The following ATAD2B variants were observed in gnomAD, a reference collection of about 807,000 sequenced individuals.
ATAD2B encodes the protein ATPase family AAA domain-containing protein 2B.
A neutral mutation model predicts 167.6 loss-of-function variants in ATAD2B; 40 were observed. The ratio of observed to expected loss-of-function variants is 0.24; its 90% CI spans 0.19 to 0.31. The LOEUF (loss-of-function observed/expected upper bound fraction) is 0.31, where lower values mean the gene tolerates loss of function less well. ATAD2B is among the 10% of genes least tolerant of loss of function. The pLI is 1.00. For synonymous variants in ATAD2B, 579 were observed against 596.5 expected, an observed-to-expected ratio of 0.97 and a Z score of 0.43; for missense variants, 1,242 against 1,757.2, an observed-to-expected ratio of 0.71 and a Z score of 5.24.
At chr2:23,919,289 G>A (rs1320072382) in intron 1 of ATAD2B, among the ~76,000 whole-genome samples, 1 of 152,152 alleles carries the variant, frequency 6.6e-6, no homozygotes, top group Non-Finnish European at 1.5e-5. Flanking sequence ...CGCAGTGGCT[G>A]TAATCCCAGC....
chr2:23,860,443 T>C (rs1694169793), intron 12 of ATAD2B, among the ~76,000 whole-genome samples: 1 of 152,216 alleles, frequency 6.6e-6, no homozygotes, highest in Non-Finnish European at 1.5e-5. Flanking sequence ...CAGTGTCATT[T>C]TTCTCACTTA....
At chr2:23,861,069 C>G (rs1057468250) in intron 12 of ATAD2B, among the ~76,000 whole-genome samples, 1 of 151,866 alleles carries the variant, frequency 6.6e-6, no homozygotes, top group African/African-American at 2.4e-5. Context: ...GTGGCTCACA[C>G]CTGTAATCCC....
rs371716857 is a variant in ATAD2B, at chr2:23,781,732, GTTTC to G, written c.3133+1133_3133+1136del. ...ATCCTGACTAATATGAATGACTGCT[GTTTC>G]TTTTTTTTTTTTCTTGTCTTTCCTT... is the stretch of plus-strand genomic sequence containing the variant. On this transcript the variant is annotated intron_variant, in intron 22 of 27. Coordinates refer to ENST00000238789, the MANE Select transcript of ATAD2B (RefSeq NM_017552.4). Among the ~76,000 whole-genome samples the G allele has an allele frequency of 1.4e-3, 199 of 147,052 alleles. 2 individuals carry two copies. The highest frequency in any genetic ancestry group is 2.2e-3 in the Non-Finnish European group (146 of 66,458).
In ATAD2B at chr2:23,827,908, T is replaced by A. The variant is rs1688486160; in HGVS notation, c.1819+941A>T. ...GGATGTAGCTAACTGAATGGACTAATGTTCTATTTAAGTTTTAATTATTTG... is the reference window on the plus strand; with the variant it reads ...GGATGTAGCTAACTGAATGGACTAAAGTTCTATTTAAGTTTTAATTATTTG... On this transcript the variant is annotated intron_variant, in intron 15 of 27. Transcript: ENST00000238789. The A allele has an allele frequency of 2.0e-5, 3 of 152,636 alleles. No homozygotes were observed. The South Asian group carries it at 6.2e-4, about 32-fold the overall frequency. The allele number at this position is 152,636 out of a possible 1,614,324, so 9.5% of individuals were successfully genotyped here. A position where few individuals can be genotyped will look rare whatever the true frequency, so the allele number is the denominator to read the frequency against.
intron 6 of ATAD2B, among the ~76,000 whole-genome samples, chr2:23,882,535 G>A (rs1013015484): frequency 4.1e-5 from 6 of 147,424 alleles, no homozygotes; most frequent in East Asian, 2.0e-4. Context: ...AAGGCCAGGC[G>A]CAGTGGCTCA....
intron 24 of ATAD2B, among the ~76,000 whole-genome samples, chr2:23,760,733 T>TACACACACACACATAC (rs1676609106): frequency 2.4e-5 from 3 of 124,912 alleles, no homozygotes; most frequent in Non-Finnish European, 5.1e-5. Context: ...CACACACATA[T>TACACACACACACATAC]ACACACACAC....
intron 13 of ATAD2B, among the ~76,000 whole-genome samples, chr2:23,847,302 G>A (rs549119400): frequency 2.7e-5 from 4 of 150,212 alleles, no homozygotes; most frequent in African/African-American, 7.4e-5. Context: ...TCAGGAGTTC[G>A]AGACCAGCCT....
chr2:23,733,846 T>C, the ATAD2B span, among the ~76,000 whole-genome samples: 9 of 152,334 alleles, frequency 5.9e-5, no homozygotes, highest in Admixed American at 3.3e-4. Flanking sequence ...ACCTGGAATA[T>C]AGGAACAATA....
chr2:23,917,982 C>T (rs528777305), intron 1 of ATAD2B, among the ~76,000 whole-genome samples: 90 of 151,634 alleles, frequency 5.9e-4, no homozygotes, highest in Middle Eastern at 3.4e-3. Context: ...CGCTTGAACG[C>T]CAGAGGCAGA....
At chr2:23,746,060 T>G (rs1424611434), downstream of ATAD2B, among the ~76,000 whole-genome samples, 1 of 152,232 alleles carries the variant, frequency 6.6e-6, no homozygotes, top group Non-Finnish European at 1.5e-5. Context: ...CTTTCCCACC[T>G]TGATGCCTCA....
At chr2:23,681,418 C>CGG in the ATAD2B span, among the ~76,000 whole-genome samples, 2 of 152,118 alleles carry the variant, frequency 1.3e-5, no homozygotes, top group Non-Finnish European at 2.9e-5. This position sits in a 1 kb window ranked among gnomAD's most constrained non-coding sequence, Gnocchi z 4.2. Context: ...GTGTCACGGC[C>CGG]GGGGCTGGGG....
intron 8 of ATAD2B, among the ~76,000 whole-genome samples, chr2:23,874,745 T>G (rs1252780080): frequency 6.6e-6 from 1 of 151,976 alleles, no homozygotes; most frequent in Non-Finnish European, 1.5e-5. Context: ...GTTTCTACTT[T>G]CTTCTACATG....
At chr2:23,849,774 G>A (rs1265744339) in intron 13 of ATAD2B, among the ~76,000 whole-genome samples, 1 of 152,130 alleles carries the variant, frequency 6.6e-6, no homozygotes, top group Non-Finnish European at 1.5e-5. Context: ...GTTGCAGTAA[G>A]CCAGACAGAG....
At chr2:23,762,083 A>G in intron 24 of ATAD2B, 126 bp downstream of exon 24, 1 of 902,400 alleles carries the variant, frequency 1.1e-6, no homozygotes. Context: ...GCTCTTCTTC[A>G]CCTCTGAAAA....
chr2:23,881,808 C>G (rs1213064887), intron 6 of ATAD2B, among the ~76,000 whole-genome samples: 1 of 152,006 alleles, frequency 6.6e-6, no homozygotes, highest in Non-Finnish European at 1.5e-5. Flanking sequence ...ACTGCGACCT[C>G]TGCCTCCCAG....
intron 22 of ATAD2B, among the ~76,000 whole-genome samples, chr2:23,779,550 T>C: frequency 6.6e-6 from 1 of 152,276 alleles, no homozygotes; most frequent in East Asian, 1.9e-4. Context: ...AAGATATATA[T>C]TCTTTGATCC....
In ATAD2B at chr2:23,862,401, GTTT is replaced by G. The variant is rs750865073; in HGVS notation, c.1479+977_1479+979del. On this transcript the variant is annotated intron_variant, in intron 12 of 27. Transcript: ENST00000238789. Reference sequence around the variant, plus strand: ...CAAAAGTGAATTTATATTTGGACTGGTTTTTTTTTTTTTTTTTTTTTTTTTGAG... The same window carrying G: ...CAAAAGTGAATTTATATTTGGACTGGTTTTTTTTTTTTTTTTTTTTTTGAG... Among the ~76,000 whole-genome samples the G allele has an allele frequency of 4.6e-4, 46 of 99,434 alleles. No individual in the cohort carries two copies. In the Middle Eastern group the frequency reaches 0.019, roughly 41 times the overall value. The allele number at this position is 99,434 out of a possible 152,430, so 65.2% of individuals were successfully genotyped here.
chr2:23,713,402 G>GTT, the ATAD2B span, among the ~76,000 whole-genome samples: 8 of 111,770 alleles, frequency 7.2e-5, no homozygotes, highest in Admixed American at 2.2e-4. Context: ...TTTTATGGAG[G>GTT]TTTTTTTTTT....
At chr2:23,767,790 G>C (rs1343154142) in intron 22 of ATAD2B, among the ~76,000 whole-genome samples, 2 of 152,054 alleles carry the variant, frequency 1.3e-5, no homozygotes, top group Admixed American at 6.6e-5. Context: ...ACACAATTTG[G>C]TGATAAAGTA....
Sources: gnomAD v4.1 joint callset for allele counts (sites outside exome capture counted in the v4.1 genomes callset) on GRCh38, gnomAD v4.1.1 for gene constraint, Gnocchi (gnomAD v3.1) non-coding constraint, MANE v1.5 for transcripts, NCBI Gene and HGNC (gene_info 2026-07-23, HGNC 2026-07-21) for gene names.